Variants in CDH13 observed in about 807,000 individuals in gnomAD.
CDH13 encodes the protein cadherin 13.
A neutral mutation model predicts 63.8 loss-of-function variants in CDH13; 24 were observed. The observed-to-expected ratio is 0.38, with a 90% CI of 0.27 to 0.53. The LOEUF (loss-of-function observed/expected upper bound fraction) is 0.53. Among genes scored for constraint, CDH13 ranks in the 20% least tolerant of loss-of-function variants. The pLI is 0.85. For missense variants in CDH13, 1,049 were observed against 903.1 expected (o/e 1.16, Z -2.07); for synonymous variants, 503 against 355.3 (o/e 1.42, Z -4.67).
chr16:83,512,347 A>G (rs2074590168), intron 7 of CDH13, among the ~76,000 whole-genome samples: 1 of 145,234 alleles, frequency 6.9e-6, no homozygotes, highest in Admixed American at 7.0e-5. Context: ...TAAATAAATA[A>G]ATAAATAAAT....
chr16:83,612,144 C>T (rs1252158941), intron 8 of CDH13, among the ~76,000 whole-genome samples: 1 of 151,974 alleles, frequency 6.6e-6, no homozygotes, highest in Non-Finnish European at 1.5e-5. Context: ...TCTATTTCTC[C>T]TGTTGGTACT....
At chr16:82,891,533 C>T (rs778058783) in intron 2 of CDH13, among the ~76,000 whole-genome samples, 4 of 152,174 alleles carry the variant, frequency 2.6e-5, no homozygotes, top group Non-Finnish European at 4.4e-5. Flanking sequence ...CTATTGAGTA[C>T]ACTGCACCAT....
intron 3 of CDH13, among the ~76,000 whole-genome samples, chr16:83,041,651 C>A (rs996305426): frequency 6.6e-6 from 1 of 152,134 alleles, no homozygotes; most frequent in Non-Finnish European, 1.5e-5. Context: ...TACACACATA[C>A]ATTCATGGGG....
At chr16:82,888,447 C>G (rs1448264349) in intron 2 of CDH13, among the ~76,000 whole-genome samples, 1 of 152,184 alleles carries the variant, frequency 6.6e-6, no homozygotes, top group African/African-American at 2.4e-5. Flanking sequence ...AACAGAATGG[C>G]AAGTACAGGG....
At chr16:82,780,859 C>G (rs555448645) in intron 1 of CDH13, among the ~76,000 whole-genome samples, 1 of 152,268 alleles carries the variant, frequency 6.6e-6, no homozygotes, top group South Asian at 2.1e-4. Flanking sequence ...ACCCGATACA[C>G]AAAAACAAGG....
intron 6 of CDH13, among the ~76,000 whole-genome samples, chr16:83,474,429 G>A (rs1464578090): frequency 6.6e-6 from 1 of 152,060 alleles, no homozygotes; most frequent in African/African-American, 2.4e-5. Context: ...CCCACACCAG[G>A]CCAGTAGAAT....
At chr16:82,664,202 T>C (rs991439695) in intron 1 of CDH13, among the ~76,000 whole-genome samples, 3 of 152,258 alleles carry the variant, frequency 2.0e-5, no homozygotes, top group Non-Finnish European at 2.9e-5. Context: ...TACTTTTCAC[T>C]AAATTGTGCT....
chr16:82,882,642 C>A (rs1247307417), intron 2 of CDH13, among the ~76,000 whole-genome samples: 1 of 152,000 alleles, frequency 6.6e-6, no homozygotes, highest in Non-Finnish European at 1.5e-5. Flanking sequence ...TCCTATCACC[C>A]TTCCTTCTTT....
At chr16:83,756,599 T>G (rs568143828) in intron 11 of CDH13, among the ~76,000 whole-genome samples, 1 of 152,308 alleles carries the variant, frequency 6.6e-6, no homozygotes, top group South Asian at 2.1e-4. Context: ...GTTAGTGTAT[T>G]GTATGTGTGG....
chr16:83,113,833 G>A (rs1457700109), intron 3 of CDH13, among the ~76,000 whole-genome samples: 17 of 152,180 alleles, frequency 1.1e-4, no homozygotes, highest in Admixed American at 1.1e-3. Context: ...GAGCCAGGAG[G>A]ACAGTGATAG....
rs1316221938 is a variant in CDH13 at position 83,743,762 on chromosome 16, T to TTTC, written c.1539-4344_1539-4343insCTT. 3.2e-4 allele frequency among the ~76,000 whole-genome samples: 43 copies of TTTC among 134,268 alleles called. 2 individuals are homozygous for TTTC. The highest frequency in any genetic ancestry group is 7.0e-3 in the Middle Eastern group (2 of 284). The allele number at this position is 134,268 out of a possible 152,430, so 88.1% of individuals were successfully genotyped here. A position where few individuals can be genotyped will look rare whatever the true frequency, so the allele number is the denominator to read the frequency against. ...TTTTCTTTTTTCTTTTTTTTTTTTT[T>TTTC]TTTTTCTTTGCTTTTTCCATCCCCA... is the stretch of plus-strand genomic sequence containing the variant. On this transcript the variant is annotated intron_variant, in intron 10 of 13. Transcript: ENST00000567109.
chr16:83,001,901 G>T (rs1296653153), intron 2 of CDH13, among the ~76,000 whole-genome samples: 1 of 152,136 alleles, frequency 6.6e-6, no homozygotes, highest in Non-Finnish European at 1.5e-5. Flanking sequence ...TTTGTCTCAG[G>T]AGAGCTGTAC....
intron 6 of CDH13, among the ~76,000 whole-genome samples, chr16:83,450,988 C>G (rs1009477910): frequency 6.6e-5 from 10 of 152,174 alleles, no homozygotes; most frequent in Admixed American, 6.5e-4. Context: ...AGCCGCACCC[C>G]CAGAGTTACC....
At chr16:83,059,613 G>T (rs2031310774) in intron 3 of CDH13, among the ~76,000 whole-genome samples, 1 of 152,102 alleles carries the variant, frequency 6.6e-6, no homozygotes, top group Admixed American at 6.6e-5. Context: ...TCTGGGTAGA[G>T]CCAGGCTGTT....
chr16:83,608,660 A>ATTTT (rs754678790), intron 8 of CDH13, among the ~76,000 whole-genome samples: 2 of 109,892 alleles, frequency 1.8e-5, no homozygotes, highest in Admixed American at 1.9e-4. Context: ...TAATTTTTGT[A>ATTTT]TTTTTTTTTT....
chr16:82,990,437 C>A (rs1030268984), intron 2 of CDH13: 10 of 152,176 alleles, frequency 6.6e-5, no homozygotes, highest in Non-Finnish European at 1.5e-4. Flanking sequence ...GGGACCTGGG[C>A]CCCTCCTGGA....
chr16:82,858,212 G>A lies in CDH13; in HGVS notation c.46-150G>A. Reference sequence around the variant, plus strand: ...AATCTCAGTGCCAAAAAGAATTGTTGGCAGCCACTGGAGAAGTTTCAACTT... The same window carrying A: ...AATCTCAGTGCCAAAAAGAATTGTTAGCAGCCACTGGAGAAGTTTCAACTT... On this transcript the variant is annotated intron_variant, in intron 1 of 13. Transcript: ENST00000567109. 5 of 594,368 alleles carry A rather than the reference G, an allele frequency of 8.4e-6. No homozygotes were observed. The South Asian group carries it at 8.9e-5, about 11-fold the overall frequency. 36.8% of individuals were successfully genotyped at this position (594,368 alleles called of 1,614,324 possible). A position where few individuals can be genotyped will look rare whatever the true frequency, so the allele number is the denominator to read the frequency against.
chr16:83,629,880 C>G (rs1327064703), intron 8 of CDH13, among the ~76,000 whole-genome samples: 1 of 152,208 alleles, frequency 6.6e-6, no homozygotes, highest in Non-Finnish European at 1.5e-5. Context: ...GGGAAGAGAG[C>G]TTACAACAGC....
intron 2 of CDH13, among the ~76,000 whole-genome samples, chr16:82,988,753 C>G (rs554221831): frequency 3.2e-4 from 44 of 139,478 alleles, no homozygotes; most frequent in Middle Eastern, 7.4e-3. Context: ...CAGAGTGAAA[C>G]TCCAACTCAA....
Sources: allele counts gnomAD v4.1 joint callset (sites outside exome capture counted in the v4.1 genomes callset), GRCh38; gene constraint gnomAD v4.1.1; transcripts MANE v1.5; gene names NCBI Gene and HGNC (gene_info 2026-07-23, HGNC 2026-07-21).